Variants in NRXN1 observed in about 807,000 individuals in gnomAD.
The protein encoded by NRXN1 is neurexin-1.
Under a neutral mutation model 150.9 loss-of-function variants are expected in NRXN1, and 39 were observed. That is an observed-to-expected ratio of 0.26 (90% CI 0.20 to 0.34). The LOEUF (loss-of-function observed/expected upper bound fraction) is 0.34, where lower values mean the gene tolerates loss of function less well. NRXN1 is among the 10% of genes least tolerant of loss of function. The pLI is 1.00. For synonymous variants in NRXN1, 924 were observed against 757.0 expected (o/e 1.22, Z -3.62); for missense variants, 1,815 against 1,949.9 (o/e 0.93, Z 1.30).
chr2:50,992,204 T>G (rs571769426), intron 2 of NRXN1, among the ~76,000 whole-genome samples: 148 of 152,134 alleles, frequency 9.7e-4, no homozygotes, highest in Non-Finnish European at 1.8e-3. Context: ...ATAATGAGTT[T>G]ATTTAGTATA....
chr2:50,097,495 G>T (rs909600228), intron 18 of NRXN1, among the ~76,000 whole-genome samples: 1 of 152,168 alleles, frequency 6.6e-6, no homozygotes, highest in Non-Finnish European at 1.5e-5. Context: ...CCTCACCAGG[G>T]AGCAAAGGTT....
intron 16 of NRXN1, among the ~76,000 whole-genome samples, chr2:50,467,275 T>C (rs1022306214): frequency 2.6e-5 from 4 of 151,620 alleles, no homozygotes; most frequent in South Asian, 2.1e-4. Flanking sequence ...ACCTCACTAA[T>C]AAGAACCTAT....
chr2:50,116,456 C>A (rs1489959534), intron 18 of NRXN1, among the ~76,000 whole-genome samples: 1 of 152,034 alleles, frequency 6.6e-6, no homozygotes, highest in African/African-American at 2.4e-5. Flanking sequence ...TATGTTTAAA[C>A]ACCAGAGCCA....
At chr2:50,833,624 TGGATG>T (rs1559328919) in intron 5 of NRXN1, among the ~76,000 whole-genome samples, 1 of 152,128 alleles carries the variant, frequency 6.6e-6, no homozygotes, top group Non-Finnish European at 1.5e-5. Context: ...AAATGGTCAG[TGGATG>T]CCATGGGTAA....
At chr2:50,625,399 C>T (rs1402903019) in intron 5 of NRXN1, among the ~76,000 whole-genome samples, 3 of 152,052 alleles carry the variant, frequency 2.0e-5, no homozygotes, top group Non-Finnish European at 4.4e-5. Context: ...ATCAGTCAGA[C>T]CAAATAATTC....
chr2:49,991,083 C>A (rs1681861856), intron 21 of NRXN1, among the ~76,000 whole-genome samples: 1 of 152,042 alleles, frequency 6.6e-6, no homozygotes. Flanking sequence ...AAAACTTCCT[C>A]AAATTGATAA....
Position 50,906,869 on chromosome 2 carries a change from A to G in NRXN1, c.832+15000T>C, listed in dbSNP as rs575539062. On this transcript the variant is annotated intron_variant, in intron 5 of 22. Transcript: ENST00000401669. Reference sequence around the variant, plus strand: ...ATGTGGATTACATGTGTTGCGGCTCAGAACATACCCCAAAGTATGGCACCC... The same window carrying G: ...ATGTGGATTACATGTGTTGCGGCTCGGAACATACCCCAAAGTATGGCACCC... Among the ~76,000 whole-genome samples the G allele has an allele frequency of 5.9e-5, 9 of 152,176 alleles. No homozygotes were observed. The South Asian group carries it at 1.9e-3, about 32-fold the overall frequency.
At chr2:51,025,434 A>C (rs562460259) in intron 2 of NRXN1, among the ~76,000 whole-genome samples, 1 of 152,190 alleles carries the variant, frequency 6.6e-6, no homozygotes, top group Non-Finnish European at 1.5e-5. Flanking sequence ...CTGATTATGC[A>C]TGATCTCTGA....
At chr2:50,387,595 G>A (rs779277628) in intron 17 of NRXN1, among the ~76,000 whole-genome samples, 2 of 152,096 alleles carry the variant, frequency 1.3e-5, no homozygotes, top group Non-Finnish European at 1.5e-5. Flanking sequence ...TAAGGTAGGA[G>A]AAGTGAATAC....
At chr2:50,373,734 G>A (rs1355090340) in intron 17 of NRXN1, among the ~76,000 whole-genome samples, 1 of 145,116 alleles carries the variant, frequency 6.9e-6, no homozygotes, top group Non-Finnish European at 1.5e-5. Context: ...AGACAGACTA[G>A]TCACATATTC....
chr2:50,290,010 T>C (rs2072715644), intron 17 of NRXN1, among the ~76,000 whole-genome samples: 1 of 152,172 alleles, frequency 6.6e-6, no homozygotes, highest in African/African-American at 2.4e-5. Context: ...TTAGTGAAAT[T>C]AGAATCCAAT....
At chr2:50,158,451 C>A (rs1393911710) in intron 18 of NRXN1, among the ~76,000 whole-genome samples, 1 of 151,820 alleles carries the variant, frequency 6.6e-6, no homozygotes, top group Non-Finnish European at 1.5e-5. Context: ...TATGTTGGAA[C>A]AGAGTGATGT....
intron 21 of NRXN1, among the ~76,000 whole-genome samples, chr2:49,946,871 G>C (rs1405674419): frequency 6.6e-6 from 1 of 152,102 alleles, no homozygotes; most frequent in East Asian, 1.9e-4. Flanking sequence ...CAGATATATA[G>C]ACCAATGGAA....
At chr2:50,607,133 A>C (rs1467778395) in intron 8 of NRXN1, among the ~76,000 whole-genome samples, 1 of 152,126 alleles carries the variant, frequency 6.6e-6, no homozygotes, top group Non-Finnish European at 1.5e-5. Context: ...AATGCCATAA[A>C]ATTCTGATGT....
chr2:50,174,477 C>T lies in NRXN1; in HGVS notation c.3546+62312G>A, dbSNP rs41381448. ...TGACTTCAAAAGCTGCTATTAAAAA[C>T]CAAGTAAGGATGTGGGTGGCATGCT... On this transcript the variant is annotated intron_variant, in intron 18 of 22. Transcript: ENST00000401669. Among the ~76,000 whole-genome samples the T allele has an allele frequency of 3.6e-3, 547 of 152,180 alleles. 6 individuals are homozygous for T. The highest frequency in any genetic ancestry group is 0.016 in the East Asian group (82 of 5,168).
chr2:50,496,125 C>A, intron 14 of NRXN1, 30 bp from the exon 15 acceptor site: 1 of 1,533,004 alleles, frequency 6.5e-7, no homozygotes, highest in South Asian at 1.2e-5. Flanking sequence ...GGGGAAAGTG[C>A]CATCACTTTT....
At chr2:50,558,158 T>C (rs557528868) in intron 8 of NRXN1, among the ~76,000 whole-genome samples, 116 of 152,190 alleles carry the variant, frequency 7.6e-4, no homozygotes, top group Non-Finnish European at 1.4e-3. Flanking sequence ...TTAATTCCCA[T>C]ATGCATCCTA....
intron 5 of NRXN1, among the ~76,000 whole-genome samples, chr2:50,789,220 T>A (rs1437002143): frequency 6.6e-6 from 1 of 152,308 alleles, no homozygotes; most frequent in South Asian, 2.1e-4. Context: ...CAAAACCTGA[T>A]TCATGGCTGT....
At chr2:50,925,346 T>C (rs560148493) in intron 3 of NRXN1, among the ~76,000 whole-genome samples, 1 of 151,992 alleles carries the variant, frequency 6.6e-6, no homozygotes, top group Admixed American at 6.6e-5. Flanking sequence ...GAATAAAATA[T>C]TTAGCAGGCA....
Sources: gnomAD v4.1 joint callset for allele counts (sites outside exome capture counted in the v4.1 genomes callset) on GRCh38, gnomAD v4.1.1 for gene constraint, MANE v1.5 for transcripts, NCBI Gene and HGNC (gene_info 2026-07-23, HGNC 2026-07-21) for gene names.